The following RMDN1 variants were observed in gnomAD, a reference collection of about 807,000 sequenced individuals.
RMDN1 encodes the protein regulator of microtubule dynamics 1, also known as regulator of microtubule dynamics protein 1.
Under a neutral mutation model 48.9 loss-of-function variants are expected in RMDN1, and 48 were observed. That is an observed-to-expected ratio of 0.98 (90% CI 0.78 to 1.25). The LOEUF (loss-of-function observed/expected upper bound fraction) is 1.25. RMDN1 is among the 50% of genes most tolerant of loss of function. RMDN1 has a pLI of 0.00. For missense variants in RMDN1, 418 were observed against 373.4 expected, an observed-to-expected ratio of 1.12 and a Z score of -0.98; for synonymous variants, 148 against 132.6, an observed-to-expected ratio of 1.12 and a Z score of -0.80.
Position 86,478,998 on chromosome 8 carries a change from A to T in RMDN1, c.654T>A (p.Phe218Leu), listed in dbSNP as rs775749961. The change falls in exon 7 of 10, where the codon TTT becomes TTA. Residue 218 changes from phenylalanine to leucine, a missense_variant. Phe to Leu is a conservative substitution (Grantham distance 22, BLOSUM62 0). Coordinates refer to ENST00000406452, the MANE Select transcript of RMDN1 (RefSeq NM_016033.3). ...IHLMGIWCYTFAEMPWYQRRI... is the reference protein window; with the variant it reads ...IHLMGIWCYTLAEMPWYQRRI... ...TTCTTTGATACCAAGGCATTTCGGC[A>T]AATGTATAGCACCTACAGGGAAATA... The T allele has an allele frequency of 6.2e-7, 1 of 1,613,582 alleles. No individual in the cohort carries two copies. The highest frequency in any genetic ancestry group is 8.5e-7 in the Non-Finnish European group (1 of 1,179,500).
upstream of RMDN1, among the ~76,000 whole-genome samples, chr8:86,509,216 A>C (rs1819904989): frequency 6.6e-6 from 1 of 152,158 alleles, no homozygotes; most frequent in South Asian, 2.1e-4. Context: ...CGTTTTGGGA[A>C]GAGGAACTAG....
At chr8:86,508,877 C>G (rs1819877444), upstream of RMDN1, 1 of 1,037,288 alleles carries the variant, frequency 9.6e-7, no homozygotes, top group Admixed American at 4.6e-5. Context: ...TGAGAGCGCT[C>G]TCTTCAGGCG....
At chr8:86,484,718 CAA>C (rs34599016) in intron 5 of RMDN1, 152 bp downstream of exon 5, 8,629 of 269,576 alleles carry the variant, frequency 0.032, no homozygotes, top group South Asian at 0.04. Context: ...AACTCCGTCT[CAA>C]AAAAAAAAAA....
downstream of RMDN1, among the ~76,000 whole-genome samples, chr8:86,472,018 G>C (rs1586561614): frequency 6.6e-6 from 1 of 152,312 alleles, no homozygotes; most frequent in East Asian, 1.9e-4. Context: ...AATATGGGTA[G>C]ATATTAGATG....
At chr8:86,478,851 T>C (rs1209008888) in intron 7 of RMDN1, 72 bp downstream of exon 7, 3 of 1,182,328 alleles carry the variant, frequency 2.5e-6, no homozygotes, top group East Asian at 2.3e-5. Flanking sequence ...GAGCTCCACA[T>C]GTGTGAACAC....
At chr8:86,482,315 T>A (rs1207912428) in intron 5 of RMDN1, 1 of 307,842 alleles carries the variant, frequency 3.2e-6, no homozygotes, top group Non-Finnish European at 6.1e-6. Flanking sequence ...GGCAGGAGAA[T>A]CACTTGAACC....
chr8:86,473,423 A>G lies in RMDN1; in HGVS notation c.*885T>C. On this transcript the variant is annotated 3_prime_UTR_variant, in exon 10 of 10. Coordinates refer to ENST00000406452, the MANE Select transcript of RMDN1 (RefSeq NM_016033.3). ...TTCCTTCCATTCCATTAGGGAATAG[A>G]ACTTTGCATCTGATGACAAATTCAG... 1.0e-6 allele frequency: 1 copy of G among 985,472 alleles called. No individual in the cohort carries two copies. The highest frequency in any genetic ancestry group is 1.2e-6 in the Non-Finnish European group (1 of 829,948). 61.0% of individuals were successfully genotyped at this position (985,472 alleles called of 1,614,324 possible). A position where few individuals can be genotyped will look rare whatever the true frequency, so the allele number is the denominator to read the frequency against.
At chr8:86,510,400 TA>T (rs1271757429), upstream of RMDN1, among the ~76,000 whole-genome samples, 15 of 152,366 alleles carry the variant, frequency 9.8e-5, no homozygotes, top group Non-Finnish European at 1.9e-4. Context: ...CAAATCTTGA[TA>T]ATGTCTTGCA....
At chr8:86,476,337 A>AT (rs1813376438) in intron 8 of RMDN1, among the ~76,000 whole-genome samples, 1 of 152,234 alleles carries the variant, frequency 6.6e-6, no homozygotes, top group Non-Finnish European at 1.5e-5. Context: ...AATTACAGAG[A>AT]TAAAACATTC....
downstream of RMDN1, among the ~76,000 whole-genome samples, chr8:86,469,818 C>G (rs972311132): frequency 5.9e-5 from 9 of 152,286 alleles, 2 homozygotes; most frequent in East Asian, 1.9e-4. Flanking sequence ...AAATTTCTCT[C>G]CTCAATTCTC....
Position 86,508,626 on chromosome 8 carries a change from G to T in RMDN1, c.-6C>A, listed in dbSNP as rs766872897. The T allele has an allele frequency of 1.6e-5, 25 of 1,598,102 alleles. No individual in the cohort carries two copies. Among genetic ancestry groups the T allele is most frequent in the Non-Finnish European group, 2.0e-5 (23 of 1,173,054 alleles). On this transcript the variant is annotated 5_prime_UTR_variant, in exon 1 of 10. Coordinates refer to ENST00000406452, the MANE Select transcript of RMDN1 (RefSeq NM_016033.3). The stretch of plus-strand genomic sequence containing the variant: ...AGTCGAGCAGCCAGCGCCATGACCT[G>T]CAACTTGCGGGCTGACCCTGCACTA...
At chr8:86,490,742 A>G (rs1407725244) in intron 2 of RMDN1, among the ~76,000 whole-genome samples, 2 of 152,232 alleles carry the variant, frequency 1.3e-5, no homozygotes, top group Non-Finnish European at 1.5e-5. Context: ...CATAGTATGT[A>G]TAAGTAAAAA....
chr8:86,474,377 T>A lies in RMDN1; in HGVS notation c.895-19A>T. 3 of 1,571,190 alleles carry A rather than the reference T, an allele frequency of 1.9e-6. No individual in the cohort carries two copies. The highest frequency in any genetic ancestry group is 2.6e-6 in the Non-Finnish European group (3 of 1,141,594). On this transcript the variant is annotated intron_variant, in intron 9 of 9. Transcript: ENST00000406452. ...TCTGTATCTAAAATGGAAAAATACA[T>A]GTTATAAGTAAACAGGAGAGCTAAG...
At position 86,480,464 on chromosome 8, in the gene RMDN1, A is replaced by G. The variant is rs749741503; in HGVS notation, c.586-132T>C. The G allele has an allele frequency of 1.4e-5, 7 of 502,164 alleles. No individual in the cohort carries two copies. In the Admixed American group the frequency reaches 2.2e-4, roughly 15 times the overall value. 31.1% of individuals were successfully genotyped at this position (502,164 alleles called of 1,614,324 possible). ...GTTTCAGTTCTCCCATTATAATATC[A>G]ACTTTCTTCCTCCTGATTCTTTGAT... On this transcript the variant is annotated intron_variant, in intron 5 of 9. Coordinates refer to ENST00000406452, the MANE Select transcript of RMDN1 (RefSeq NM_016033.3).
At chr8:86,499,799 A>G (rs1817922545) in intron 2 of RMDN1, among the ~76,000 whole-genome samples, 1 of 152,166 alleles carries the variant, frequency 6.6e-6, no homozygotes, top group South Asian at 2.1e-4. Flanking sequence ...CTATACTACG[A>G]GACAGTAACC....
At chr8:86,505,821 C>T (rs1819236106) in intron 2 of RMDN1, among the ~76,000 whole-genome samples, 2 of 152,258 alleles carry the variant, frequency 1.3e-5, no homozygotes, top group East Asian at 1.9e-4. Context: ...TATGTGGTGC[C>T]TGAAGTCTGC....
chr8:86,508,348 G>A, intron 1 of RMDN1, 144 bp downstream of exon 1: 3 of 847,682 alleles, frequency 3.5e-6, no homozygotes, highest in Non-Finnish European at 5.1e-6. Flanking sequence ...ACCTGTCCGG[G>A]CGTTCCAGGC....
chr8:86,498,558 T>A (rs1414578402), intron 2 of RMDN1, among the ~76,000 whole-genome samples: 1 of 152,030 alleles, frequency 6.6e-6, no homozygotes, highest in Non-Finnish European at 1.5e-5. Context: ...GTGGACCGAT[T>A]GCTTGAGCTC....
At chr8:86,503,581 G>A in intron 2 of RMDN1, 1 of 426,318 alleles carries the variant, frequency 2.3e-6, no homozygotes, top group Non-Finnish European at 4.7e-6. Flanking sequence ...GGACCATGCG[G>A]ACACAGAAGG....
Sources: allele counts gnomAD v4.1 joint callset (sites outside exome capture counted in the v4.1 genomes callset), GRCh38; gene constraint gnomAD v4.1.1; transcripts MANE v1.5; gene names NCBI Gene and HGNC (gene_info 2026-07-23, HGNC 2026-07-21).